The following PRMT3 variants were observed in gnomAD, a reference collection of about 807,000 sequenced individuals.
PRMT3 encodes the protein protein arginine methyltransferase 3.
A neutral mutation model predicts 71.9 loss-of-function variants in PRMT3; 62 were observed. The observed-to-expected ratio is 0.86, with a 90% CI of 0.70 to 1.07. The LOEUF is 1.07. Among genes scored for constraint, PRMT3 ranks in the 50% least tolerant of loss-of-function variants. The pLI, the probability that PRMT3 is intolerant of heterozygous loss-of-function variation, is 0.00. For synonymous variants in PRMT3, 213 were observed against 220.4 expected (o/e 0.97, Z 0.30); for missense variants, 663 against 643.0 (o/e 1.03, Z -0.34).
intron 13 of PRMT3, among the ~76,000 whole-genome samples, chr11:20,467,775 A>T (rs538574753): frequency 2.6e-5 from 4 of 152,266 alleles, no homozygotes; most frequent in African/African-American, 7.2e-5. Context: ...ATTTCTTGGA[A>T]ACCTCCTTCC....
At chr11:20,478,547 A>C (rs1850852515) in intron 13 of PRMT3, among the ~76,000 whole-genome samples, 1 of 152,008 alleles carries the variant, frequency 6.6e-6, no homozygotes. Context: ...AAAAAAAAAA[A>C]AACTACTTGA....
chr11:20,460,510 G>A (rs1371243382), intron 11 of PRMT3, among the ~76,000 whole-genome samples: 2 of 151,972 alleles, frequency 1.3e-5, no homozygotes, highest in African/African-American at 4.8e-5. Flanking sequence ...TCTCGGTCAA[G>A]TCCCTTGAAT....
chr11:20,402,741 G>A (rs1848977445), intron 7 of PRMT3, among the ~76,000 whole-genome samples, 178 bp from the exon 8 acceptor site: 1 of 152,136 alleles, frequency 6.6e-6, no homozygotes, highest in South Asian at 2.1e-4. Flanking sequence ...TTTTCTTTGT[G>A]TGTTGTTGCT....
intron 13 of PRMT3, among the ~76,000 whole-genome samples, chr11:20,486,025 C>T (rs1169528137): frequency 6.6e-6 from 1 of 152,048 alleles, no homozygotes; most frequent in African/African-American, 2.4e-5. Flanking sequence ...TATTATTCAG[C>T]TACAAAAAAG....
At chr11:20,431,475 C>T (rs1052305799) in intron 10 of PRMT3, among the ~76,000 whole-genome samples, 2 of 152,114 alleles carry the variant, frequency 1.3e-5, no homozygotes, top group East Asian at 1.9e-4. Flanking sequence ...GTTATACAAA[C>T]TTTTAAGTAC....
At chr11:20,451,145 A>G (rs1178837297) in intron 10 of PRMT3, among the ~76,000 whole-genome samples, 1 of 152,172 alleles carries the variant, frequency 6.6e-6, no homozygotes, top group Non-Finnish European at 1.5e-5. Context: ...TTGTGACACC[A>G]GTAGTGGCAA....
rs911835382 is a variant in PRMT3 at position 20,403,680 on chromosome 11, G to A, written c.771+696G>A. ...GGTTACTTAAAAGTTCAGGTTTTCC[G>A]TTTGTTCTTCCTGATGGGAAACTAG... On this transcript the variant is annotated intron_variant, in intron 8 of 15. Coordinates refer to ENST00000331079, the MANE Select transcript of PRMT3 (RefSeq NM_005788.4). 6.7e-5 allele frequency among the ~76,000 whole-genome samples: 10 copies of A among 150,074 alleles called. 1 individual carries two copies. Among genetic ancestry groups the A allele is most frequent in the South Asian group, 4.2e-4 (2 of 4,762 alleles).
intron 13 of PRMT3, among the ~76,000 whole-genome samples, chr11:20,489,130 T>C (rs1159674861): frequency 6.6e-6 from 1 of 152,188 alleles, no homozygotes; most frequent in African/African-American, 2.4e-5. Context: ...TGTTTTCTTC[T>C]ATCATTGTTT....
chr11:20,438,836 G>T (rs1849820472), intron 10 of PRMT3, among the ~76,000 whole-genome samples: 1 of 152,194 alleles, frequency 6.6e-6, no homozygotes, highest in Non-Finnish European at 1.5e-5. Context: ...TGGCAGAGGG[G>T]TGTTACTGCT....
At chr11:20,471,005 T>TC (rs978065663) in intron 13 of PRMT3, among the ~76,000 whole-genome samples, 23 of 152,202 alleles carry the variant, frequency 1.5e-4, no homozygotes, top group African/African-American at 5.1e-4. Flanking sequence ...GAGCTTTTTT[T>TC]CCATATGTTT....
chr11:20,453,663 G>C (rs1411085518), intron 11 of PRMT3, among the ~76,000 whole-genome samples: 1 of 151,718 alleles, frequency 6.6e-6, no homozygotes, highest in East Asian at 1.9e-4. Flanking sequence ...CATGAACCTG[G>C]CTAGAATTTT....
intron 10 of PRMT3, among the ~76,000 whole-genome samples, chr11:20,450,139 T>C (rs1850116684): frequency 6.6e-6 from 1 of 152,130 alleles, no homozygotes; most frequent in Non-Finnish European, 1.5e-5. Flanking sequence ...ACAAACTTTT[T>C]TGGGCCTTTG....
chr11:20,439,050 G>A (rs988043659), intron 10 of PRMT3, among the ~76,000 whole-genome samples: 5 of 152,148 alleles, frequency 3.3e-5, no homozygotes, highest in Non-Finnish European at 7.3e-5. Flanking sequence ...AGATGAAGGG[G>A]AGCCATGGCT....
In PRMT3 at chr11:20,408,013, C is replaced by A; in HGVS notation, c.874C>A (p.Gln292Lys). Residue 292 changes from glutamine to lysine, a missense_variant, in exon 9 of 16, where the codon CAG becomes AAG. Gln to Lys is a moderately conservative substitution (Grantham distance 53). Transcript: ENST00000331079. The part of the protein sequence containing the change: ...LGVDQSEILY[Q>K]AMDIIRLNKL... The stretch of plus-strand genomic sequence containing the variant: ...AGTTGATCAATCTGAAATACTTTAC[C>A]AGGCAATGGATATTATAAGGTACAT... 6.3e-7 allele frequency: 1 copy of A among 1,583,046 alleles called. No homozygotes were observed. The highest frequency in any genetic ancestry group is 1.1e-5 in the South Asian group (1 of 90,004).
intron 10 of PRMT3, among the ~76,000 whole-genome samples, chr11:20,444,990 G>T (rs1378019467): frequency 1.3e-5 from 2 of 151,732 alleles, no homozygotes; most frequent in African/African-American, 4.8e-5. Flanking sequence ...ATTGTTCTTT[G>T]TCCCTGATAA....
At chr11:20,463,587 T>A (rs1269131346) in intron 12 of PRMT3, among the ~76,000 whole-genome samples, 1 of 141,910 alleles carries the variant, frequency 7.0e-6, no homozygotes, top group Non-Finnish European at 1.5e-5. Context: ...TTTTTTTTTT[T>A]AACATTTATT....
At chr11:20,498,132 G>C (rs1851374844) in intron 15 of PRMT3, among the ~76,000 whole-genome samples, 1 of 152,084 alleles carries the variant, frequency 6.6e-6, no homozygotes, top group African/African-American at 2.4e-5. Context: ...ATAAAGCAAG[G>C]AGAGAAGAAA....
At chr11:20,392,396 A>G in intron 4 of PRMT3, 136 bp downstream of exon 4, 1 of 893,486 alleles carries the variant, frequency 1.1e-6, no homozygotes, top group South Asian at 1.9e-5. Flanking sequence ...GGAATCACGG[A>G]CATTAGGAGG....
intron 10 of PRMT3, among the ~76,000 whole-genome samples, chr11:20,448,758 A>AT (rs1850086057): frequency 6.6e-6 from 1 of 152,202 alleles, no homozygotes; most frequent in African/African-American, 2.4e-5. Flanking sequence ...TGAAGTTAAT[A>AT]TTCTAGTCCC....
Sources: gnomAD v4.1 joint callset for allele counts (sites outside exome capture counted in the v4.1 genomes callset) on GRCh38, gnomAD v4.1.1 for gene constraint, MANE v1.5 for transcripts, NCBI Gene and HGNC (gene_info 2026-07-23, HGNC 2026-07-21) for gene names.